MKLN1: variants seen among roughly 807,000 people sequenced by gnomAD.
MKLN1 encodes muskelin 1, also known as muskelin.
Under a neutral mutation model 99.0 loss-of-function variants are expected in MKLN1, and 18 were observed. That is an observed-to-expected ratio of 0.18 (90% CI 0.13 to 0.27). The LOEUF is 0.27. Among genes scored for constraint, MKLN1 ranks in the 10% least tolerant of loss-of-function variants. The pLI is 1.00. For synonymous variants in MKLN1, 288 were observed against 293.2 expected (o/e 0.98, Z 0.18); for missense variants, 621 against 875.9 (o/e 0.71, Z 3.67).
In MKLN1 at chr7:131,414,632, A is replaced by G. The variant is rs1439390678; in HGVS notation, c.782-13A>G. On this transcript the variant is annotated splice_polypyrimidine_tract_variant and intron_variant, in intron 7 of 17. Coordinates refer to ENST00000352689, the MANE Select transcript of MKLN1 (RefSeq NM_013255.5). ...TGTTATTCCTTTAAAAGAAACTATT[A>G]TTTCTTCTAAAGGTGATGGGGAAGA... The G allele has an allele frequency of 6.4e-7, 1 of 1,571,118 alleles. No homozygotes were observed.
chr7:131,192,293 C>T (rs1391452359), intron 2 of MKLN1, among the ~76,000 whole-genome samples: 2 of 55,800 alleles, frequency 3.6e-5, no homozygotes, highest in African/African-American at 1.7e-4. Context: ...ATAATATATA[C>T]AATATATAAA....
chr7:131,328,165 C>T, intron 1 of MKLN1, 168 bp downstream of exon 1: 2 of 860,794 alleles, frequency 2.3e-6, no homozygotes, highest in Non-Finnish European at 3.5e-6. Flanking sequence ...TGCTCGGCCT[C>T]GCTCGGGAAG....
chr7:131,475,666 T>C (rs1358779428), intron 16 of MKLN1, among the ~76,000 whole-genome samples: 1 of 152,014 alleles, frequency 6.6e-6, no homozygotes, highest in Non-Finnish European at 1.5e-5. Flanking sequence ...TGCAAAAAAT[T>C]AGCTGGGTGG....
rs1242424446 is a variant in MKLN1, at chr7:131,492,869, G to A, written c.*5141G>A. On this transcript the variant is annotated 3_prime_UTR_variant, in exon 18 of 18. Coordinates refer to ENST00000352689, the MANE Select transcript of MKLN1 (RefSeq NM_013255.5). ...ACCTAAGGAGTCATTAGAGGTTATAGTAAATTAGTTTCTCTAGTGGTGCAG... is the reference window on the plus strand; with the variant it reads ...ACCTAAGGAGTCATTAGAGGTTATAATAAATTAGTTTCTCTAGTGGTGCAG... 1 of 152,108 alleles carries A rather than the reference G, an allele frequency of 6.6e-6. No individual in the cohort carries two copies. The highest frequency in any genetic ancestry group is 1.5e-5 in the Non-Finnish European group (1 of 68,022). The allele number at this position is 152,108 out of a possible 1,614,324, so 9.4% of individuals were successfully genotyped here. A position where few individuals can be genotyped will look rare whatever the true frequency, so the allele number is the denominator to read the frequency against.
At chr7:131,267,700 G>T (rs17165528) in intron 3 of MKLN1, among the ~76,000 whole-genome samples, 26,854 of 152,126 alleles carry the variant, frequency 0.18, 2,733 homozygotes, top group African/African-American at 0.27. Flanking sequence ...TATTTTAAGG[G>T]CTGTAACAAG....
chr7:131,150,030 C>T (rs994878061), intron 2 of MKLN1, among the ~76,000 whole-genome samples: 1 of 152,168 alleles, frequency 6.6e-6, no homozygotes, highest in African/African-American at 2.4e-5. Flanking sequence ...TGAGAGAGAG[C>T]ATGCTCCACC....
intron 3 of MKLN1, among the ~76,000 whole-genome samples, chr7:131,256,270 A>G (rs1423784554): frequency 1.3e-5 from 2 of 152,212 alleles, no homozygotes; most frequent in South Asian, 4.1e-4. Flanking sequence ...AGGCATTCCA[A>G]GATAAACAAA....
chr7:131,372,572 A>G (rs1382312833), intron 1 of MKLN1, among the ~76,000 whole-genome samples: 1 of 152,048 alleles, frequency 6.6e-6, no homozygotes, highest in Admixed American at 6.5e-5. Flanking sequence ...ACATTTTCCT[A>G]TGACATTAAA....
intron 3 of MKLN1, among the ~76,000 whole-genome samples, chr7:131,312,231 CAG>C (rs1450510972): frequency 6.6e-6 from 1 of 152,136 alleles, no homozygotes; most frequent in Non-Finnish European, 1.5e-5. Flanking sequence ...CCATGTTGGC[CAG>C]GCTGGTCTCA....
intron 2 of MKLN1, among the ~76,000 whole-genome samples, chr7:131,144,181 T>C (rs1265399073): frequency 1.3e-5 from 2 of 152,086 alleles, no homozygotes; most frequent in Non-Finnish European, 2.9e-5. Flanking sequence ...ATTGAATGAA[T>C]GATGTATTTT....
At chr7:131,180,440 T>C (rs1375456741) in intron 2 of MKLN1, among the ~76,000 whole-genome samples, 1 of 152,242 alleles carries the variant, frequency 6.6e-6, no homozygotes, top group Non-Finnish European at 1.5e-5. Context: ...GGCTCACGCC[T>C]GTAATCCCAG....
intron 2 of MKLN1, among the ~76,000 whole-genome samples, chr7:131,192,224 A>G (rs1482472205): frequency 9.9e-6 from 1 of 101,430 alleles, no homozygotes; most frequent in Non-Finnish European, 1.8e-5. Context: ...TATATAAAAT[A>G]TATACAATAT....
chr7:131,445,241 T>C (rs1175527075), intron 11 of MKLN1, among the ~76,000 whole-genome samples: 1 of 152,124 alleles, frequency 6.6e-6, no homozygotes, highest in East Asian at 1.9e-4. Context: ...TTGAGTTAAT[T>C]TTGTCTTCTA....
At chr7:131,232,631 G>T (rs1161858503) in intron 3 of MKLN1, among the ~76,000 whole-genome samples, 1 of 152,110 alleles carries the variant, frequency 6.6e-6, no homozygotes, top group African/African-American at 2.4e-5. Context: ...TGAGTTTTTG[G>T]CAGTGAACTA....
chr7:131,320,068 TA>T (rs1798745900), intron 3 of MKLN1, among the ~76,000 whole-genome samples: 1 of 152,042 alleles, frequency 6.6e-6, no homozygotes, highest in Admixed American at 6.6e-5. Flanking sequence ...TGCAGAATTA[TA>T]AAAAACTACT....
chr7:131,111,986 C>T (rs1262870023), intron 1 of MKLN1, among the ~76,000 whole-genome samples: 1 of 152,206 alleles, frequency 6.6e-6, no homozygotes, highest in Non-Finnish European at 1.5e-5. Flanking sequence ...TTTACCAATT[C>T]CTCTATGTCC....
intron 3 of MKLN1, among the ~76,000 whole-genome samples, chr7:131,294,188 A>G (rs997688907): frequency 3.3e-5 from 5 of 152,230 alleles, no homozygotes; most frequent in Non-Finnish European, 7.3e-5. Flanking sequence ...GAACTTAAAG[A>G]TGTTATTATT....
At position 131,155,842 on chromosome 7, in the gene MKLN1, C is replaced by T. The variant is rs890119949; in HGVS notation, c.-297+12901C>T. 4.6e-5 allele frequency among the ~76,000 whole-genome samples: 7 copies of T among 152,166 alleles called. No homozygotes were observed. The South Asian group carries it at 6.2e-4, about 14-fold the overall frequency. ...GATATGGTACAGTGTCTCCTTTCCACGTCGCTTCTCAGAGTTAGCAAAAGT... is the reference window on the plus strand; with the variant it reads ...GATATGGTACAGTGTCTCCTTTCCATGTCGCTTCTCAGAGTTAGCAAAAGT... On this transcript the variant is annotated intron_variant, in intron 2 of 7. Transcript: ENST00000416992.
intron 3 of MKLN1, among the ~76,000 whole-genome samples, chr7:131,255,259 G>A (rs1024802147): frequency 2.0e-5 from 3 of 151,880 alleles, no homozygotes; most frequent in African/African-American, 7.3e-5. Context: ...AAAATTTGAT[G>A]AAATCTGTTA....
Sources: allele counts gnomAD v4.1 joint callset (sites outside exome capture counted in the v4.1 genomes callset), GRCh38; gene constraint gnomAD v4.1.1; transcripts MANE v1.5; gene names NCBI Gene and HGNC (gene_info 2026-07-23, HGNC 2026-07-21).